Variants in SMAD2 observed in about 807,000 individuals in gnomAD.
SMAD2 encodes MAD homolog 2.
A neutral mutation model predicts 64.4 loss-of-function variants in SMAD2; 8 were observed. The ratio of observed to expected loss-of-function variants is 0.12; its 90% CI spans 0.07 to 0.22. SMAD2 has a LOEUF of 0.22. SMAD2 is among the 10% of genes least tolerant of loss of function. The pLI, the probability that SMAD2 is intolerant of heterozygous loss-of-function variation, is 1.00. For missense variants in SMAD2, 289 were observed against 561.2 expected (o/e 0.51, Z 4.90); for synonymous variants, 203 against 195.8 (o/e 1.04, Z -0.31).
intron 7 of SMAD2, among the ~76,000 whole-genome samples, chr18:47,850,859 T>A (rs1056991963): frequency 2.3e-4 from 17 of 72,622 alleles, no homozygotes; most frequent in East Asian, 1.1e-3. Context: ...TTATATATAT[T>A]ATATATATTA....
intron 1 of SMAD2, among the ~76,000 whole-genome samples, chr18:47,909,913 A>T (rs1375993478): frequency 1.3e-5 from 2 of 152,224 alleles, no homozygotes; most frequent in Admixed American, 1.3e-4. Flanking sequence ...GGGAGTCATA[A>T]GGACCTTTAA....
chr18:47,861,159 C>G (rs1341941389), intron 6 of SMAD2, among the ~76,000 whole-genome samples: 1 of 152,088 alleles, frequency 6.6e-6, no homozygotes, highest in Non-Finnish European at 1.5e-5. Context: ...AGTTCGAGAC[C>G]AGCCTGACCA....
intron 2 of SMAD2, chr18:47,878,288 T>C (rs2032382866): frequency 6.6e-6 from 1 of 152,206 alleles, no homozygotes; most frequent in South Asian, 2.1e-4. Flanking sequence ...GTCCAAATAA[T>C]GTCCAGATAT....
Position 47,892,223 on chromosome 18 carries a change from C to T in SMAD2, c.236+4298G>A, listed in dbSNP as rs573563501. 2.9e-5 allele frequency among the ~76,000 whole-genome samples: 4 copies of T among 139,508 alleles called. No homozygotes were observed. In the South Asian group the frequency reaches 6.5e-4, roughly 23 times the overall value. The allele number at this position is 139,508 out of a possible 152,430, so 91.5% of individuals were successfully genotyped here. On this transcript the variant is annotated intron_variant, in intron 2 of 10. Coordinates refer to ENST00000262160, the MANE Select transcript of SMAD2 (RefSeq NM_005901.6). ...ATTTTTTTTTTTTTTTTTTTTGAGA[C>T]GGAATTTTGCTCATCGCCCAAGCTG...
chr18:47,883,461 T>C (rs2032724663), intron 2 of SMAD2, among the ~76,000 whole-genome samples: 1 of 152,222 alleles, frequency 6.6e-6, no homozygotes, highest in Non-Finnish European at 1.5e-5. Flanking sequence ...TTTCTACTCA[T>C]GTTGGGTTTA....
At position 47,821,383 on chromosome 18, in the gene SMAD2, A is replaced by G. The variant is rs1313686991; in HGVS notation, c.*20444T>C. On this transcript the variant is annotated 3_prime_UTR_variant, in exon 11 of 11. Coordinates refer to ENST00000262160, the MANE Select transcript of SMAD2 (RefSeq NM_005901.6). ...CTTGCTGTTATAACTTGATACTGAA[A>G]TGTTCTGTAGAAGGCCTAGAAAAGC... is the stretch of plus-strand genomic sequence containing the variant. 1 of 152,158 alleles carries G rather than the reference A, an allele frequency of 6.6e-6. No individual in the cohort carries two copies. The highest frequency in any genetic ancestry group is 1.5e-5 in the Non-Finnish European group (1 of 67,998). 9.4% of individuals were successfully genotyped at this position (152,158 alleles called of 1,614,324 possible). A position where few individuals can be genotyped will look rare whatever the true frequency, so the allele number is the denominator to read the frequency against.
intron 2 of SMAD2, among the ~76,000 whole-genome samples, chr18:47,883,660 ATTG>A (rs1270657181): frequency 2.6e-5 from 4 of 152,118 alleles, no homozygotes; most frequent in Non-Finnish European, 5.9e-5. Flanking sequence ...GATACAATTT[ATTG>A]TTATGACTCC....
intron 1 of SMAD2, among the ~76,000 whole-genome samples, chr18:47,915,733 T>C (rs1475240181): frequency 6.6e-6 from 1 of 152,162 alleles, no homozygotes; most frequent in Non-Finnish European, 1.5e-5. Context: ...CTAACAAATG[T>C]TTACACTAAT....
rs1222758403 is a variant in SMAD2, at chr18:47,848,512, G to A, written c.960C>T (p.Asn320=). ...TTGTCATTTCTACCGTGGCATTTCG[G>A]TTAACATTGGAGAGTAAACCTAAGC... ...RFCLGLLSNV[N]RNATVEMTRR... Residue 320 remains asparagine, a synonymous_variant, in exon 8 of 11, where the codon AAC becomes AAT. Coordinates refer to ENST00000262160, the MANE Select transcript of SMAD2 (RefSeq NM_005901.6). The A allele has an allele frequency of 6.2e-7, 1 of 1,613,942 alleles. No homozygotes were observed. Among genetic ancestry groups the A allele is most frequent in the African/African-American group, 1.3e-5 (1 of 75,018 alleles).
At chr18:47,877,881 T>G (rs2032359494) in intron 2 of SMAD2, among the ~76,000 whole-genome samples, 1 of 152,186 alleles carries the variant, frequency 6.6e-6, no homozygotes, top group Non-Finnish European at 1.5e-5. Flanking sequence ...GGTTGAATCA[T>G]CAACAATAGC....
Position 47,825,417 on chromosome 18 carries a change from G to A in SMAD2, c.*16410C>T, listed in dbSNP as rs2144242357. ...CTCTCAAGACTAGATTAGTCCCCAG[G>A]AGTGGGTTGTTAAAAAGAGACTTGT... On this transcript the variant is annotated 3_prime_UTR_variant, in exon 11 of 11. Transcript: ENST00000262160. 6.6e-6 allele frequency: 1 copy of A among 152,360 alleles called. No homozygotes were observed. Among genetic ancestry groups the A allele is most frequent in the Non-Finnish European group, 1.5e-5 (1 of 68,076 alleles). 9.4% of individuals were successfully genotyped at this position (152,360 alleles called of 1,614,324 possible).
intron 1 of SMAD2, among the ~76,000 whole-genome samples, chr18:47,916,318 T>G (rs1011541445): frequency 6.6e-6 from 1 of 152,206 alleles, no homozygotes; most frequent in Non-Finnish European, 1.5e-5. Context: ...TCACGTTTGG[T>G]TGCACTTGCC....
At chr18:47,854,041 G>A (rs917295925) in intron 6 of SMAD2, among the ~76,000 whole-genome samples, 172 of 150,256 alleles carry the variant, frequency 1.1e-3, no homozygotes, top group Non-Finnish European at 2.1e-3. Context: ...TTACAAAAAA[G>A]ACAAATTTTA....
intron 1 of SMAD2, among the ~76,000 whole-genome samples, chr18:47,901,683 T>C (rs1196927861): frequency 6.6e-6 from 1 of 152,208 alleles, no homozygotes; most frequent in Admixed American, 6.5e-5. Context: ...GCCAGAATCA[T>C]AGAACACTGC....
chr18:47,820,430 AGTT>A lies in SMAD2; in HGVS notation c.*21394_*21396del, dbSNP rs1485355725. 2.6e-5 allele frequency: 4 copies of A among 152,182 alleles called. No homozygotes were observed. The highest frequency in any genetic ancestry group is 9.7e-5 in the African/African-American group (4 of 41,438). 9.4% of individuals were successfully genotyped at this position (152,182 alleles called of 1,614,324 possible). A position where few individuals can be genotyped will look rare whatever the true frequency, so the allele number is the denominator to read the frequency against. ...AAAAATTGCTTTTTATTGGGAAAAA[AGTT>A]GTTTAAATTCAGAGTTTATTAGAGG... On this transcript the variant is annotated 3_prime_UTR_variant, in exon 11 of 11. Transcript: ENST00000262160.
chr18:47,909,716 T>C (rs894811270), intron 1 of SMAD2, among the ~76,000 whole-genome samples: 3 of 152,142 alleles, frequency 2.0e-5, no homozygotes, highest in Admixed American at 6.5e-5. Flanking sequence ...CCAGAACGCT[T>C]TTCTCTGGAT....
chr18:47,865,077 T>C lies in SMAD2; in HGVS notation c.712A>G (p.Asn238Asp). The change falls in exon 6 of 11, where the codon AAT (asparagine) becomes GAT (aspartate). Residue 238 changes from asparagine to aspartate, a missense_variant. Physicochemically the swap from Asn to Asp is conservative, Grantham distance 23 (BLOSUM62 1). Around this residue, in one of 6 missense-constraint regions of SMAD2, gnomAD observed 119 missense variants for 156.7 expected, o/e 0.76. Coordinates refer to ENST00000262160, the MANE Select transcript of SMAD2 (RefSeq NM_005901.6). ...TTTTTACCTGTGTCCATACTTTGAT[T>C]CAACTGTTGGTCACTTGTTTCTCCA... ...EDGETSDQQL[N>D]QSMDTGSPAE... The C allele has an allele frequency of 1.2e-6, 2 of 1,606,712 alleles. No homozygotes were observed. Among genetic ancestry groups the C allele is most frequent in the Non-Finnish European group, 1.7e-6 (2 of 1,173,662 alleles).
At chr18:47,850,530 AAT>A (rs1491266608) in intron 7 of SMAD2, among the ~76,000 whole-genome samples, 5 of 18,518 alleles carry the variant, frequency 2.7e-4, no homozygotes, top group Non-Finnish European at 2.8e-4. Flanking sequence ...TATTATGTAT[AAT>A]ATATGTTATA....
At position 47,842,086 on chromosome 18, in the gene SMAD2, C is replaced by T. The variant is rs79502327; in HGVS notation, c.1281-136G>A. 0.048 allele frequency: 43,321 copies of T among 896,402 alleles called. 3,821 individuals are homozygous for T. The highest frequency in any genetic ancestry group is 0.26 in the Admixed American group (12,699 of 48,612). 55.5% of individuals were successfully genotyped at this position (896,402 alleles called of 1,614,324 possible). Reference sequence around the variant, plus strand: ...TATATAATTTTGGACACGATTATTCCGCAAAATGGTTGATCCTCAAAGTCA... The same window carrying T: ...TATATAATTTTGGACACGATTATTCTGCAAAATGGTTGATCCTCAAAGTCA... On this transcript the variant is annotated intron_variant, in intron 10 of 10. Coordinates refer to ENST00000262160, the MANE Select transcript of SMAD2 (RefSeq NM_005901.6).
Sources: allele counts gnomAD v4.1 joint callset (sites outside exome capture counted in the v4.1 genomes callset), GRCh38; gene constraint gnomAD v4.1.1; regional missense constraint gnomAD v4.1.1; transcripts MANE v1.5; gene names NCBI Gene and HGNC (gene_info 2026-07-23, HGNC 2026-07-21).